The following PLPP4 variants were observed in gnomAD, a reference collection of about 807,000 sequenced individuals.
The protein encoded by PLPP4 is phospholipid phosphatase 4, also known as diacylglycerol pyrophosphate like 2.
A neutral mutation model predicts 32.2 loss-of-function variants in PLPP4; 20 were observed. That is an observed-to-expected ratio of 0.62 (90% CI 0.44 to 0.90). The LOEUF (loss-of-function observed/expected upper bound fraction) is 0.90, where lower values mean the gene tolerates loss of function less well. PLPP4 is among the 40% of genes least tolerant of loss of function. The probability of loss-of-function intolerance (pLI) is 0.00; values close to 1 mark genes in which losing one functional copy is unlikely to be tolerated. For synonymous variants in PLPP4, 127 were observed against 133.0 expected (o/e 0.95, Z 0.31); for missense variants, 257 against 353.1 (o/e 0.73, Z 2.18).
At chr10:120,573,179 G>A (rs1849023721) in intron 5 of PLPP4, among the ~76,000 whole-genome samples, 1 of 152,160 alleles carries the variant, frequency 6.6e-6, no homozygotes, top group Admixed American at 6.5e-5. Context: ...GTGAGGAGGG[G>A]GAGGGTGCTA....
In PLPP4 at chr10:120,513,710, C is replaced by A. The variant is rs146128990; in HGVS notation, c.166-201C>A. ...TTACAAATCAATTATAACCTACAAT[C>A]AGATCTTCCATTTTTAAAGTCTGTG... On this transcript the variant is annotated intron_variant, in intron 2 of 6. Transcript: ENST00000398250. Among the ~76,000 whole-genome samples the A allele has an allele frequency of 1.9e-3, 289 of 152,246 alleles. 1 individual carries two copies. The highest frequency in any genetic ancestry group is 6.5e-3 in the African/African-American group (268 of 41,550).
intron 6 of PLPP4, among the ~76,000 whole-genome samples, chr10:120,585,458 A>G (rs1849708807): frequency 6.6e-6 from 1 of 152,222 alleles, no homozygotes; most frequent in South Asian, 2.1e-4. Context: ...ATGGGGCAGA[A>G]TGAGAAAGCC....
chr10:120,517,553 C>T (rs916123834), intron 3 of PLPP4, among the ~76,000 whole-genome samples: 7 of 152,190 alleles, frequency 4.6e-5, no homozygotes, highest in Non-Finnish European at 7.3e-5. Flanking sequence ...CAGTGCTGTG[C>T]GGCTGATTCA....
intron 5 of PLPP4, among the ~76,000 whole-genome samples, chr10:120,561,132 T>C (rs1377993640): frequency 1.3e-5 from 2 of 152,230 alleles, no homozygotes; most frequent in Middle Eastern, 6.3e-3. Context: ...AAGTATCCAG[T>C]CTAGGACTTA....
intron 6 of PLPP4, among the ~76,000 whole-genome samples, chr10:120,583,790 G>C (rs574336888): frequency 3.9e-5 from 6 of 152,324 alleles, no homozygotes; most frequent in Admixed American, 3.3e-4. Context: ...ATAAAAGTCG[G>C]CTGAGCTCTG....
intron 1 of PLPP4, among the ~76,000 whole-genome samples, chr10:120,497,271 T>A (rs536837927): frequency 6.6e-6 from 1 of 152,270 alleles, no homozygotes; most frequent in East Asian, 1.9e-4. Flanking sequence ...CACTCCAACT[T>A]TAGTTTTCTT....
At chr10:120,458,342 A>G (rs1289305915) in intron 1 of PLPP4, among the ~76,000 whole-genome samples, 1 of 152,148 alleles carries the variant, frequency 6.6e-6, no homozygotes, top group Non-Finnish European at 1.5e-5. Flanking sequence ...TTAAAGTTAC[A>G]TGAACTTTTT....
chr10:120,514,061 T>C (rs1845838002), intron 3 of PLPP4, 60 bp downstream of exon 3: 3 of 1,264,600 alleles, frequency 2.4e-6, no homozygotes, highest in African/African-American at 1.5e-5. Context: ...GATGATCACA[T>C]TTAAGAAATC....
intron 5 of PLPP4, among the ~76,000 whole-genome samples, chr10:120,541,061 C>T (rs1847317433): frequency 6.6e-6 from 1 of 152,068 alleles, no homozygotes; most frequent in African/African-American, 2.4e-5. Context: ...CAAAAGAATG[C>T]CTTTTTAGGA....
chr10:120,545,597 TCTG>T (rs1198871722), intron 5 of PLPP4, among the ~76,000 whole-genome samples: 1 of 152,168 alleles, frequency 6.6e-6, no homozygotes, highest in Non-Finnish European at 1.5e-5. Flanking sequence ...CTTGTCCTCT[TCTG>T]CTGGTAACCC....
At chr10:120,512,706 A>G (rs1283862070) in intron 2 of PLPP4, among the ~76,000 whole-genome samples, 2 of 152,094 alleles carry the variant, frequency 1.3e-5, no homozygotes, top group Non-Finnish European at 2.9e-5. Flanking sequence ...CCAGCTACTC[A>G]GGAGGCTGAG....
At chr10:120,577,781 C>A (rs1003915200) in intron 6 of PLPP4, among the ~76,000 whole-genome samples, 3 of 152,152 alleles carry the variant, frequency 2.0e-5, no homozygotes, top group Admixed American at 6.6e-5. Context: ...TCAACTTATA[C>A]CCTTGGAGTC....
At chr10:120,564,268 G>A (rs1025304493) in intron 5 of PLPP4, among the ~76,000 whole-genome samples, 2 of 151,824 alleles carry the variant, frequency 1.3e-5, no homozygotes, top group Admixed American at 6.6e-5. Flanking sequence ...CCAAAAGTAA[G>A]ATATTTTTCT....
chr10:120,550,190 TAG>T (rs1269112892), intron 5 of PLPP4, among the ~76,000 whole-genome samples: 2 of 151,838 alleles, frequency 1.3e-5, no homozygotes, highest in African/African-American at 2.4e-5. Flanking sequence ...AATTAGAAAA[TAG>T]AGACTTTTAA....
At chr10:120,544,826 G>A (rs1847535447) in intron 5 of PLPP4, among the ~76,000 whole-genome samples, 1 of 152,188 alleles carries the variant, frequency 6.6e-6, no homozygotes, top group Non-Finnish European at 1.5e-5. Flanking sequence ...TTGGTTTGAG[G>A]CTTTGTGTAG....
chr10:120,521,245 G>A, intron 5 of PLPP4, 150 bp downstream of exon 5: 1 of 981,524 alleles, frequency 1.0e-6, no homozygotes, highest in Admixed American at 2.9e-5. Flanking sequence ...TTAGAAACAA[G>A]ATTATTCAAC....
In PLPP4 at chr10:120,553,939, C is replaced by T. The variant is rs79615923; in HGVS notation, c.446-21192C>T. 5.3e-3 allele frequency among the ~76,000 whole-genome samples: 811 copies of T among 152,290 alleles called. 59 individuals carry two copies. In the South Asian group the frequency reaches 0.12, roughly 23 times the overall value. On this transcript the variant is annotated intron_variant, in intron 5 of 6. Coordinates refer to ENST00000398250, the MANE Select transcript of PLPP4 (RefSeq NM_001030059.3). ...TCTAAAATGCCTTTGAGGCATTTTC[C>T]CCAAAGTCTTGGCTATTAACATTCA...
chr10:120,589,563 C>A lies in PLPP4; in HGVS notation c.*61C>A. ...CACATCTGCCACCCTGACATCATAA[C>A]ACAATAGAAATGGTTTTCTGTAGTG... On this transcript the variant is annotated 3_prime_UTR_variant, in exon 7 of 7. Coordinates refer to ENST00000398250, the MANE Select transcript of PLPP4 (RefSeq NM_001030059.3). The A allele has an allele frequency of 7.6e-7, 1 of 1,311,582 alleles. No individual in the cohort carries two copies. The highest frequency in any genetic ancestry group is 1.1e-6 in the Non-Finnish European group (1 of 929,846). 81.2% of individuals were successfully genotyped at this position (1,311,582 alleles called of 1,614,324 possible). A position where few individuals can be genotyped will look rare whatever the true frequency, so the allele number is the denominator to read the frequency against.
intron 1 of PLPP4, among the ~76,000 whole-genome samples, chr10:120,475,986 C>T (rs934632628): frequency 6.6e-6 from 1 of 152,196 alleles, no homozygotes; most frequent in African/African-American, 2.4e-5. Flanking sequence ...CTCGGACATG[C>T]ATTGATTGGG....
Sources: allele counts gnomAD v4.1 joint callset (sites outside exome capture counted in the v4.1 genomes callset), GRCh38; gene constraint gnomAD v4.1.1; transcripts MANE v1.5; gene names NCBI Gene and HGNC (gene_info 2026-07-23, HGNC 2026-07-21).